Variants in PRKG1 observed in about 807,000 individuals in gnomAD.
The protein encoded by PRKG1 is cGMP-dependent protein kinase 1.
In PRKG1, 35 loss-of-function variants were observed where a neutral mutation model predicts 88.1. The ratio of observed to expected loss-of-function variants is 0.40; its 90% CI spans 0.30 to 0.53. The LOEUF (loss-of-function observed/expected upper bound fraction) is 0.53. Ranked by LOEUF, PRKG1 falls within the 20% of genes least tolerant of loss-of-function variation. The pLI is 0.59. For missense variants in PRKG1, 540 were observed against 839.8 expected (o/e 0.64, Z 4.41); for synonymous variants, 303 against 292.5 (o/e 1.04, Z -0.37).
At chr10:51,775,672 C>A (rs997078750) in intron 3 of PRKG1, among the ~76,000 whole-genome samples, 8 of 151,908 alleles carry the variant, frequency 5.3e-5, no homozygotes, top group Admixed American at 3.3e-4. Flanking sequence ...GTAACCACCA[C>A]CTCCCAGGTT....
chr10:51,736,434 C>T (rs990711208), intron 3 of PRKG1, among the ~76,000 whole-genome samples: 2 of 152,124 alleles, frequency 1.3e-5, no homozygotes, highest in Non-Finnish European at 2.9e-5. Context: ...TTATTAAACA[C>T]ATTCATCCCT....
intron 9 of PRKG1, among the ~76,000 whole-genome samples, chr10:52,249,785 C>T (rs748565419): frequency 1.3e-5 from 2 of 151,958 alleles, no homozygotes; most frequent in Non-Finnish European, 1.5e-5. Flanking sequence ...GATTGCACCG[C>T]TGCACTCTAG....
intron 2 of PRKG1, among the ~76,000 whole-genome samples, chr10:51,203,762 TGTGA>T (rs2132059730): frequency 6.6e-6 from 1 of 152,344 alleles, no homozygotes; most frequent in African/African-American, 2.4e-5. Context: ...ATTGAAATGA[TGTGA>T]GTAATTTTCT....
intron 3 of PRKG1, among the ~76,000 whole-genome samples, chr10:51,513,716 G>A (rs1390666922): frequency 1.9e-5 from 2 of 104,040 alleles, no homozygotes; most frequent in African/African-American, 3.8e-5. Context: ...TCAACTACAT[G>A]GAAACTGAAC....
intron 4 of PRKG1, among the ~76,000 whole-genome samples, chr10:51,865,587 C>T (rs1191120257): frequency 1.3e-5 from 2 of 151,946 alleles, no homozygotes; most frequent in East Asian, 3.8e-4. Flanking sequence ...TATGTAATTT[C>T]ATTTAGAGTA....
chr10:51,251,363 C>T (rs1839423274), intron 2 of PRKG1, among the ~76,000 whole-genome samples: 1 of 151,742 alleles, frequency 6.6e-6, no homozygotes, highest in Non-Finnish European at 1.5e-5. Context: ...GCCATGAACT[C>T]TTTGTGAGCA....
chr10:51,612,233 A>G lies in PRKG1; in HGVS notation c.592+144397A>G, dbSNP rs547409650. 3.9e-5 allele frequency among the ~76,000 whole-genome samples: 6 copies of G among 152,198 alleles called. 1 individual carries two copies. In the East Asian group the frequency reaches 7.7e-4, roughly 20 times the overall value. The stretch of plus-strand genomic sequence containing the variant: ...GAATCTGCAGATTGCTTTGGGCAGT[A>G]TAGTCATTTTAACAATATTCTCCTA... On this transcript the variant is annotated intron_variant, in intron 3 of 17. Transcript: ENST00000373980.
At chr10:51,630,654 T>TGATCA (rs1839500834) in intron 3 of PRKG1, among the ~76,000 whole-genome samples, 1 of 152,222 alleles carries the variant, frequency 6.6e-6, no homozygotes, top group Admixed American at 6.5e-5. Flanking sequence ...CTGGATTGCA[T>TGATCA]ACCATGGTGA....
At chr10:51,656,177 A>G (rs1263122496) in intron 3 of PRKG1, among the ~76,000 whole-genome samples, 1 of 152,166 alleles carries the variant, frequency 6.6e-6, no homozygotes, top group African/African-American at 2.4e-5. Flanking sequence ...CAAGTCCATG[A>G]TTCTTATGAG....
chr10:51,939,191 A>G (rs777126285), intron 5 of PRKG1, among the ~76,000 whole-genome samples: 3 of 152,048 alleles, frequency 2.0e-5, no homozygotes, highest in Non-Finnish European at 4.4e-5. Flanking sequence ...CCAGAATTGA[A>G]CATTATTTTG....
rs1267666789 is a variant in PRKG1, at chr10:51,125,905, T to C, written c.312-27259T>C. On this transcript the variant is annotated intron_variant, in intron 1 of 17. Transcript: ENST00000373980. ...TTATATGATTTATAATTATAAAAAG[T>C]GTGTAATTTATAAATATATAAATTA... Among the ~76,000 whole-genome samples, 14 of 134,916 alleles carry C rather than the reference T, an allele frequency of 1.0e-4. No homozygotes were observed. In the East Asian group the frequency reaches 3.0e-3, roughly 28 times the overall value. The allele number at this position is 134,916 out of a possible 152,430, so 88.5% of individuals were successfully genotyped here. A position where few individuals can be genotyped will look rare whatever the true frequency, so the allele number is the denominator to read the frequency against.
chr10:51,100,949 C>T (rs1251076079), intron 1 of PRKG1, among the ~76,000 whole-genome samples: 1 of 152,112 alleles, frequency 6.6e-6, no homozygotes, highest in African/African-American at 2.4e-5. Flanking sequence ...TGCCTCTTGT[C>T]ACGAATGCAA....
At chr10:51,499,749 C>T (rs917465134) in intron 3 of PRKG1, among the ~76,000 whole-genome samples, 5 of 152,076 alleles carry the variant, frequency 3.3e-5, no homozygotes, top group Admixed American at 1.3e-4. Flanking sequence ...GATCAGCGTA[C>T]GCAACATAAA....
At chr10:51,517,429 G>A (rs1354317738) in intron 3 of PRKG1, among the ~76,000 whole-genome samples, 1 of 152,158 alleles carries the variant, frequency 6.6e-6, no homozygotes, top group Admixed American at 6.5e-5. Flanking sequence ...TGTACCTGAG[G>A]GGGTGTCAAC....
At chr10:52,109,306 A>C (rs1236951270) in intron 7 of PRKG1, among the ~76,000 whole-genome samples, 1 of 152,158 alleles carries the variant, frequency 6.6e-6, no homozygotes, top group Non-Finnish European at 1.5e-5. Context: ...CTTAACCCGC[A>C]TTTTTCTAAA....
chr10:51,300,840 A>G (rs1437969501), intron 2 of PRKG1, among the ~76,000 whole-genome samples: 1 of 152,218 alleles, frequency 6.6e-6, no homozygotes, highest in Non-Finnish European at 1.5e-5. Context: ...TGATGTGTTG[A>G]TTCCTTTCAG....
chr10:52,140,290 AG>A (rs1366283006), intron 8 of PRKG1, among the ~76,000 whole-genome samples: 1 of 152,188 alleles, frequency 6.6e-6, no homozygotes, highest in African/African-American at 2.4e-5. Flanking sequence ...ATACATAAAA[AG>A]AACTGATTTG....
At chr10:50,998,783 A>C (rs919671978) in intron 1 of PRKG1, among the ~76,000 whole-genome samples, 2 of 152,148 alleles carry the variant, frequency 1.3e-5, no homozygotes, top group Admixed American at 6.5e-5. Flanking sequence ...AACAAAACAA[A>C]GCTTTAAAAT....
In PRKG1 at chr10:51,570,331, A is replaced by G. The variant is rs56095121; in HGVS notation, c.592+102495A>G. 8.9e-3 allele frequency among the ~76,000 whole-genome samples: 1,354 copies of G among 151,986 alleles called. 15 individuals are homozygous for G. Among genetic ancestry groups the G allele is most frequent in the Admixed American group, 0.012 (189 of 15,220 alleles). Reference sequence around the variant, plus strand: ...AACACATATTTTGTATGCTCTATGTATTATATACTGTATTCTTACAATAAA... The same window carrying G: ...AACACATATTTTGTATGCTCTATGTGTTATATACTGTATTCTTACAATAAA... On this transcript the variant is annotated intron_variant, in intron 3 of 17. Transcript: ENST00000373980.
Sources: allele counts gnomAD v4.1 joint callset (sites outside exome capture counted in the v4.1 genomes callset), GRCh38; gene constraint gnomAD v4.1.1; transcripts MANE v1.5; gene names NCBI Gene and HGNC (gene_info 2026-07-23, HGNC 2026-07-21).